The following CNTNAP2 variants were observed in gnomAD, a reference collection of about 807,000 sequenced individuals.
CNTNAP2 encodes contactin-associated protein-like 2.
A neutral mutation model predicts 155.2 loss-of-function variants in CNTNAP2; 98 were observed. The ratio of observed to expected loss-of-function variants is 0.63; its 90% CI spans 0.54 to 0.75. CNTNAP2 has a LOEUF of 0.75. Ranked by LOEUF, CNTNAP2 falls within the 30% of genes least tolerant of loss-of-function variation. The probability of loss-of-function intolerance (pLI) is 0.00; values close to 1 mark genes in which losing one functional copy is unlikely to be tolerated. For synonymous variants in CNTNAP2, 651 were observed against 631.2 expected (o/e 1.03, Z -0.47); for missense variants, 1,727 against 1,688.1 (o/e 1.02, Z -0.40).
At chr7:148,341,720 A>G (rs1182977700) in intron 21 of CNTNAP2, among the ~76,000 whole-genome samples, 1 of 152,192 alleles carries the variant, frequency 6.6e-6, no homozygotes, top group Non-Finnish European at 1.5e-5. Flanking sequence ...GACAAATTTT[A>G]AATAAATTAG....
At position 146,599,003 on chromosome 7, in the gene CNTNAP2, A is replaced by C. The variant is rs548344443; in HGVS notation, c.98-175268A>C. On this transcript the variant is annotated intron_variant, in intron 1 of 23. Transcript: ENST00000361727. Reference sequence around the variant, plus strand: ...CATTAACTGACAATTCCAACCTTTTAGCTTTGGTCAAAAATATTGGAGTCA... The same window carrying C: ...CATTAACTGACAATTCCAACCTTTTCGCTTTGGTCAAAAATATTGGAGTCA... Among the ~76,000 whole-genome samples the C allele has an allele frequency of 1.6e-3, 248 of 152,208 alleles. 2 individuals are homozygous for C. The highest frequency in any genetic ancestry group is 3.9e-3 in the African/African-American group (163 of 41,534).
intron 18 of CNTNAP2, among the ~76,000 whole-genome samples, chr7:148,195,993 A>G (rs6953506): frequency 0.015 from 2,331 of 152,356 alleles, 69 homozygotes; most frequent in African/African-American, 0.053. Context: ...CTACAAAAAG[A>G]ATATCCAAGT....
intron 7 of CNTNAP2, among the ~76,000 whole-genome samples, chr7:147,130,480 A>T (rs916193707): frequency 2.0e-5 from 3 of 152,096 alleles, no homozygotes; most frequent in African/African-American, 7.2e-5. Context: ...AAAAAAGATT[A>T]TGGATTCACA....
At chr7:147,010,128 G>A (rs1425707426) in intron 3 of CNTNAP2, among the ~76,000 whole-genome samples, 1 of 151,114 alleles carries the variant, frequency 6.6e-6, no homozygotes, top group Admixed American at 6.6e-5. Context: ...TTCCACCTCG[G>A]CCTCCCGAGT....
chr7:146,878,705 T>C (rs1795479787), intron 3 of CNTNAP2, among the ~76,000 whole-genome samples: 1 of 152,048 alleles, frequency 6.6e-6, no homozygotes, highest in Non-Finnish European at 1.5e-5. Flanking sequence ...CTCACTCCAC[T>C]CTAAGTACAT....
intron 1 of CNTNAP2, among the ~76,000 whole-genome samples, chr7:146,566,647 A>C (rs965073888): frequency 3.3e-5 from 5 of 152,092 alleles, no homozygotes; most frequent in African/African-American, 1.2e-4. Context: ...CAGTGGGCCG[A>C]GATCGCACCA....
chr7:146,626,237 T>C (rs1449793016), intron 1 of CNTNAP2, among the ~76,000 whole-genome samples: 1 of 152,158 alleles, frequency 6.6e-6, no homozygotes, highest in East Asian at 1.9e-4. Flanking sequence ...TAAAGCAAAA[T>C]GGTATTTCAC....
intron 18 of CNTNAP2, among the ~76,000 whole-genome samples, chr7:148,173,378 C>T (rs1425175645): frequency 3.3e-5 from 5 of 152,142 alleles, no homozygotes; most frequent in South Asian, 2.1e-4. Context: ...TTTCTGTGAG[C>T]GGTTGGTGCA....
chr7:147,606,274 C>A (rs2116869137), intron 12 of CNTNAP2, among the ~76,000 whole-genome samples: 1 of 152,262 alleles, frequency 6.6e-6, no homozygotes. Flanking sequence ...CTTAGTGTTG[C>A]CAGCATACTG....
chr7:146,128,880 A>C (rs550383108), intron 1 of CNTNAP2, among the ~76,000 whole-genome samples: 1 of 152,162 alleles, frequency 6.6e-6, no homozygotes, highest in East Asian at 1.9e-4. Flanking sequence ...ATTACAGAAA[A>C]AAAAACTGCC....
chr7:146,219,165 A>G (rs1365588029), intron 1 of CNTNAP2, among the ~76,000 whole-genome samples: 1 of 152,246 alleles, frequency 6.6e-6, no homozygotes, highest in East Asian at 1.9e-4. Flanking sequence ...GTCACTCACT[A>G]TCATGAGAAC....
chr7:147,281,277 T>A (rs1805027582), intron 8 of CNTNAP2, among the ~76,000 whole-genome samples: 1 of 151,894 alleles, frequency 6.6e-6, no homozygotes, highest in Non-Finnish European at 1.5e-5. Context: ...GGCTGCAACA[T>A]TGCTCATAGA....
chr7:147,717,023 G>A (rs543009846), intron 13 of CNTNAP2, among the ~76,000 whole-genome samples: 1 of 151,902 alleles, frequency 6.6e-6, no homozygotes, highest in Admixed American at 6.6e-5. Flanking sequence ...CAATCTTCTT[G>A]GTATGTTTCC....
At chr7:148,242,750 C>T (rs1473966541) in intron 20 of CNTNAP2, among the ~76,000 whole-genome samples, 1 of 152,210 alleles carries the variant, frequency 6.6e-6, no homozygotes, top group Non-Finnish European at 1.5e-5. Context: ...GAAGTGTTGA[C>T]TGAGTGACTG....
intron 1 of CNTNAP2, among the ~76,000 whole-genome samples, chr7:146,532,624 G>C (rs1203191758): frequency 6.6e-6 from 1 of 152,086 alleles, no homozygotes; most frequent in South Asian, 2.1e-4. Flanking sequence ...TATCAAAATA[G>C]CTAACAATAG....
At chr7:148,388,595 G>T (rs1025920391) in intron 22 of CNTNAP2, among the ~76,000 whole-genome samples, 1 of 152,206 alleles carries the variant, frequency 6.6e-6, no homozygotes, top group African/African-American at 2.4e-5. Flanking sequence ...AATAGTGGAG[G>T]AGGAGAGGTG....
chr7:148,041,831 A>G (rs1209998093), intron 15 of CNTNAP2, among the ~76,000 whole-genome samples: 1 of 152,244 alleles, frequency 6.6e-6, no homozygotes, highest in Non-Finnish European at 1.5e-5. Flanking sequence ...CAAAGGCTAA[A>G]AAAAGGTAGA....
At chr7:148,026,788 G>C (rs757123780) in intron 15 of CNTNAP2, among the ~76,000 whole-genome samples, 5 of 152,076 alleles carry the variant, frequency 3.3e-5, no homozygotes, top group Non-Finnish European at 7.4e-5. Flanking sequence ...AGGCTAGCAA[G>C]ATTTCTCGTA....
chr7:148,393,880 C>T (rs956550864), intron 22 of CNTNAP2, among the ~76,000 whole-genome samples: 1 of 151,828 alleles, frequency 6.6e-6, no homozygotes, highest in Non-Finnish European at 1.5e-5. Context: ...TAAACTCCCT[C>T]TTTATATTCT....
Sources: allele counts gnomAD v4.1 joint callset (sites outside exome capture counted in the v4.1 genomes callset), GRCh38; gene constraint gnomAD v4.1.1; transcripts MANE v1.5; gene names NCBI Gene and HGNC (gene_info 2026-07-23, HGNC 2026-07-21).